The following RHOU variants were observed in gnomAD, a reference collection of about 807,000 sequenced individuals.
The protein encoded by RHOU is rho-related GTP-binding protein RhoU.
A neutral mutation model predicts 12.6 loss-of-function variants in RHOU; 8 were observed. The observed-to-expected ratio is 0.64, with a 90% CI of 0.37 to 1.15. The LOEUF (loss-of-function observed/expected upper bound fraction) is 1.15, where lower values mean the gene tolerates loss of function less well. Among genes scored for constraint, RHOU ranks in the 50% most tolerant of loss-of-function variants. The probability of loss-of-function intolerance (pLI) is 0.01; values close to 1 mark genes in which losing one functional copy is unlikely to be tolerated. For missense variants in RHOU, 258 were observed against 347.0 expected, an observed-to-expected ratio of 0.74 and a Z score of 2.04; for synonymous variants, 161 against 147.4, an observed-to-expected ratio of 1.09 and a Z score of -0.67.
chr1:228,648,064 G>T, the RHOU span: 1 of 152,370 alleles, frequency 6.6e-6, no homozygotes, highest in East Asian at 1.9e-4. Context: ...CCCCAAAGGC[G>T]CGGCTCAGCC....
chr1:228,661,325 A>T, the RHOU span, among the ~76,000 whole-genome samples: 3 of 152,218 alleles, frequency 2.0e-5, no homozygotes, highest in African/African-American at 7.2e-5. Context: ...GAATTGGAAA[A>T]AACTACTTTA....
the RHOU span, among the ~76,000 whole-genome samples, chr1:228,718,013 T>C: frequency 6.6e-6 from 1 of 152,220 alleles, no homozygotes; most frequent in African/African-American, 2.4e-5. Context: ...TTGAGAACAT[T>C]ATGTCTGTTC....
chr1:228,685,229 C>G, the RHOU span, among the ~76,000 whole-genome samples: 1 of 152,152 alleles, frequency 6.6e-6, no homozygotes, highest in African/African-American at 2.4e-5. Flanking sequence ...TCAGCAAGGT[C>G]TTTATGACCT....
At chr1:228,707,130 A>ATATATATATATATATATG in the RHOU span, among the ~76,000 whole-genome samples, 13 of 110,186 alleles carry the variant, frequency 1.2e-4, no homozygotes, top group Non-Finnish European at 1.6e-4. Context: ...ATATATACAT[A>ATATATATATATATATATG]TATATATATA....
At chr1:228,714,403 T>G in the RHOU span, among the ~76,000 whole-genome samples, 16 of 152,330 alleles carry the variant, frequency 1.1e-4, 1 homozygote, top group East Asian at 3.1e-3. Flanking sequence ...TTACCTTATC[T>G]TTGAAGTTTT....
the RHOU span, among the ~76,000 whole-genome samples, chr1:228,724,586 G>A: frequency 6.6e-6 from 1 of 152,086 alleles, no homozygotes; most frequent in Non-Finnish European, 1.5e-5. Flanking sequence ...CAAAGTGCTG[G>A]AATTACAGGC....
At chr1:228,722,766 G>A in the RHOU span, among the ~76,000 whole-genome samples, 1 of 152,122 alleles carries the variant, frequency 6.6e-6, no homozygotes, top group Non-Finnish European at 1.5e-5. Context: ...GAGACTACAG[G>A]CATGTGCCAC....
At chr1:228,698,124 G>A in the RHOU span, among the ~76,000 whole-genome samples, 4 of 152,082 alleles carry the variant, frequency 2.6e-5, no homozygotes, top group Non-Finnish European at 4.4e-5. Context: ...TTTCTTTGAG[G>A]TTTTTGTCAT....
At position 228,741,656 on chromosome 1, in the gene RHOU, T is replaced by G. The variant is rs550896383; in HGVS notation, c.322-1629T>G. ...ATCACAAAGTTGGCATGAAGAAACT[T>G]AAGTCATTATTTTTCTTTTTAAAAA... On this transcript the variant is annotated intron_variant, in intron 2 of 2. Coordinates refer to ENST00000366691, the MANE Select transcript of RHOU (RefSeq NM_021205.6). 5.3e-5 allele frequency among the ~76,000 whole-genome samples: 8 copies of G among 152,314 alleles called. No individual in the cohort carries two copies. In the South Asian group the frequency reaches 1.5e-3, roughly 28 times the overall value.
At chr1:228,707,925 A>G in the RHOU span, among the ~76,000 whole-genome samples, 1 of 152,172 alleles carries the variant, frequency 6.6e-6, no homozygotes, top group Non-Finnish European at 1.5e-5. Flanking sequence ...ATTTAGAAGA[A>G]TATATAACTA....
At chr1:228,724,383 C>T in the RHOU span, among the ~76,000 whole-genome samples, 1 of 152,202 alleles carries the variant, frequency 6.6e-6, no homozygotes, top group African/African-American at 2.4e-5. Context: ...ATGTACAATG[C>T]AATGGCTTGA....
chr1:228,743,307 C>T lies in RHOU; in HGVS notation c.344C>T (p.Pro115Leu). Residue 115 changes from proline to leucine, a missense_variant, in exon 3 of 3, where the codon CCT (proline) becomes CTT (leucine). Coordinates refer to ENST00000366691, the MANE Select transcript of RHOU (RefSeq NM_021205.6). This position sits in a 1 kb window ranked among gnomAD's most constrained non-coding sequence, Gnocchi z 5.1. ...CAGGATGAATTTGACAAGCTGAGGC[C>T]TCTCTGCTACACCAACACAGACATC... Reference protein sequence around the residue: ...AGQDEFDKLRPLCYTNTDIFL... With the variant: ...AGQDEFDKLRLLCYTNTDIFL... 6.2e-7 allele frequency: 1 copy of T among 1,613,736 alleles called. No individual in the cohort carries two copies. Among genetic ancestry groups the T allele is most frequent in the South Asian group, 1.1e-5 (1 of 91,088 alleles).
chr1:228,673,557 G>A, the RHOU span, among the ~76,000 whole-genome samples: 2 of 152,168 alleles, frequency 1.3e-5, no homozygotes, highest in African/African-American at 4.8e-5. Flanking sequence ...CCTCCCTGCT[G>A]TTCTTGTGAT....
chr1:228,667,099 ACTT>A, the RHOU span, among the ~76,000 whole-genome samples: 3 of 152,174 alleles, frequency 2.0e-5, no homozygotes, highest in Admixed American at 6.5e-5. Flanking sequence ...GGTGAAATAA[ACTT>A]CTGTCATGAG....
the RHOU span, among the ~76,000 whole-genome samples, chr1:228,661,220 T>C: frequency 2.6e-5 from 4 of 152,162 alleles, no homozygotes; most frequent in Admixed American, 6.5e-5. Context: ...TCCATGCTCA[T>C]GGATAGGAAG....
the RHOU span, chr1:228,687,676 T>C: frequency 2.0e-6 from 3 of 1,493,662 alleles, no homozygotes; most frequent in Non-Finnish European, 2.8e-6. Context: ...TGTGACTTCA[T>C]TGAGACACAT....
At chr1:228,708,507 C>A in the RHOU span, among the ~76,000 whole-genome samples, 1 of 151,540 alleles carries the variant, frequency 6.6e-6, no homozygotes, top group Non-Finnish European at 1.5e-5. Context: ...CAATATTCAA[C>A]ATTCTTAAAG....
At chr1:228,648,516 C>T in the RHOU span, among the ~76,000 whole-genome samples, 1 of 152,146 alleles carries the variant, frequency 6.6e-6, no homozygotes, top group African/African-American at 2.4e-5. Flanking sequence ...GTTTTGGATC[C>T]CTTGCTGCCC....
At chr1:228,683,484 A>T in the RHOU span, among the ~76,000 whole-genome samples, 2 of 152,188 alleles carry the variant, frequency 1.3e-5, no homozygotes, top group African/African-American at 4.8e-5. Flanking sequence ...CCAATCAGTG[A>T]TGTTGGAACA....
Sources: gnomAD v4.1 joint callset for allele counts (sites outside exome capture counted in the v4.1 genomes callset) on GRCh38, gnomAD v4.1.1 for gene constraint, Gnocchi (gnomAD v3.1) non-coding constraint, MANE v1.5 for transcripts, NCBI Gene and HGNC (gene_info 2026-07-23, HGNC 2026-07-21) for gene names.